CDH6: variants seen among roughly 807,000 people sequenced by gnomAD.
CDH6 encodes cadherin-6.
A neutral mutation model predicts 78.0 loss-of-function variants in CDH6; 31 were observed. That is an observed-to-expected ratio of 0.40 (90% confidence interval 0.30 to 0.54). The LOEUF is 0.54. CDH6 is among the 20% of genes least tolerant of loss of function. The probability of loss-of-function intolerance (pLI) is 0.56; values close to 1 mark genes in which losing one functional copy is unlikely to be tolerated. For synonymous variants in CDH6, 376 were observed against 368.8 expected, an observed-to-expected ratio of 1.02 and a Z score of -0.23; for missense variants, 724 against 975.9, an observed-to-expected ratio of 0.74 and a Z score of 3.44.
In CDH6 at chr5:31,294,485, G is replaced by A. The variant is rs896742594; in HGVS notation, c.523+229G>A. 1.3e-5 allele frequency among the ~76,000 whole-genome samples: 2 copies of A among 152,140 alleles called. No homozygotes were observed. Among genetic ancestry groups the A allele is most frequent in the South Asian group, 2.1e-4 (1 of 4,828 alleles). On this transcript the variant is annotated intron_variant, in intron 3 of 11. Transcript: ENST00000265071. The surrounding 1 kb of genome is among the most constrained non-coding windows in gnomAD (Gnocchi z 4.1). ...TAAAGAGGGTCTGAAAAGTGGCAGG[G>A]TGGGAGTGGGAGGTTGAAAGAGAGA... is the stretch of plus-strand genomic sequence containing the variant.
At chr5:31,194,042 G>A (rs1426983740) in intron 1 of CDH6, among the ~76,000 whole-genome samples, 156 bp downstream of exon 1, 1 of 152,050 alleles carries the variant, frequency 6.6e-6, no homozygotes, top group Non-Finnish European at 1.5e-5. Flanking sequence ...GCCCGGGTCG[G>A]GGCGGGCGCG....
At chr5:31,242,394 G>C (rs1002626130) in intron 1 of CDH6, among the ~76,000 whole-genome samples, 3 of 152,060 alleles carry the variant, frequency 2.0e-5, no homozygotes, top group Non-Finnish European at 4.4e-5. Flanking sequence ...ACTCTTGCTG[G>C]AACTGAGTTC....
At chr5:31,196,372 T>G (rs907312645) in intron 1 of CDH6, among the ~76,000 whole-genome samples, 1 of 152,198 alleles carries the variant, frequency 6.6e-6, no homozygotes, top group African/African-American at 2.4e-5. Flanking sequence ...CCACAGAGAT[T>G]TCTTTAAAAG....
At chr5:31,261,011 T>G (rs938690252) in intron 1 of CDH6, among the ~76,000 whole-genome samples, 5 of 152,138 alleles carry the variant, frequency 3.3e-5, no homozygotes, top group Admixed American at 6.6e-5. Flanking sequence ...CAAAACAAAG[T>G]TTCTTGGGTT....
chr5:31,286,443 G>A (rs1743013863), intron 2 of CDH6, among the ~76,000 whole-genome samples: 1 of 152,308 alleles, frequency 6.6e-6, no homozygotes, highest in East Asian at 1.9e-4. Flanking sequence ...TATTAAAAGG[G>A]ATTGATGTCA....
chr5:31,255,271 G>A (rs371572986), intron 1 of CDH6, among the ~76,000 whole-genome samples: 10 of 152,208 alleles, frequency 6.6e-5, no homozygotes, highest in Admixed American at 2.0e-4. Flanking sequence ...TTACACAAGC[G>A]CACTGTGACG....
At chr5:31,265,767 A>ATGTTTTT (rs1742326567) in intron 1 of CDH6, among the ~76,000 whole-genome samples, 1 of 112,398 alleles carries the variant, frequency 8.9e-6, no homozygotes, top group African/African-American at 3.3e-5. Flanking sequence ...ATTTAAGACA[A>ATGTTTTT]TGTTTTTTTT....
At chr5:31,289,163 A>G (rs1424772285) in intron 2 of CDH6, among the ~76,000 whole-genome samples, 1 of 151,990 alleles carries the variant, frequency 6.6e-6, no homozygotes, top group Non-Finnish European at 1.5e-5. Flanking sequence ...TATTTTCCCC[A>G]TGTTATGTCC....
At chr5:31,271,588 AG>A (rs1445404396) in intron 2 of CDH6, among the ~76,000 whole-genome samples, 1 of 152,218 alleles carries the variant, frequency 6.6e-6, no homozygotes, top group Non-Finnish European at 1.5e-5. Context: ...TGGTAGTGGC[AG>A]GGACAAGTAA....
In CDH6 at chr5:31,326,520, T is replaced by TCCTG. The variant is rs888730620; in HGVS notation, c.*3216_*3219dup. On this transcript the variant is annotated 3_prime_UTR_variant, in exon 12 of 12. Transcript: ENST00000265071. ...TAAATAGATGTTTCTTTCAGAACTTTCCTGCCTTTACAGTTTGTGTCCATA... is the reference window on the plus strand; with the variant it reads ...TAAATAGATGTTTCTTTCAGAACTTTCCTGCCTGCCTTTACAGTTTGTGTCCATA... The TCCTG allele has an allele frequency of 5.2e-6, 1 of 192,752 alleles. No individual in the cohort carries two copies. The highest frequency in any genetic ancestry group is 1.1e-5 in the Non-Finnish European group (1 of 92,392). 11.9% of individuals were successfully genotyped at this position (192,752 alleles called of 1,614,324 possible).
At chr5:31,235,003 G>T (rs561995494) in intron 1 of CDH6, among the ~76,000 whole-genome samples, 1 of 152,226 alleles carries the variant, frequency 6.6e-6, no homozygotes, top group Admixed American at 6.6e-5. Flanking sequence ...CTGTGGGGGT[G>T]AGGGAGTTTG....
At chr5:31,291,128 GAGTGTATAATCC>G (rs1430610858) in intron 2 of CDH6, among the ~76,000 whole-genome samples, 1 of 152,198 alleles carries the variant, frequency 6.6e-6, no homozygotes, top group Non-Finnish European at 1.5e-5. Context: ...TAGTGGAGGA[GAGTGTATAATCC>G]AGTGGAATGC....
intron 1 of CDH6, among the ~76,000 whole-genome samples, chr5:31,203,679 G>A (rs1343287931): frequency 2.6e-5 from 4 of 151,632 alleles, no homozygotes; most frequent in African/African-American, 9.7e-5. Context: ...CCAAGTCTTT[G>A]CTATCGTGAA....
rs778775598 is a variant in CDH6 at position 31,313,417 on chromosome 5, G to A, written c.1353G>A (p.Leu451=). ...CGAAACTTCTTGACCGAGAAACACT[G>A]CTATGGCACAACATTACAGTGATAG... ...FTSKLLDRET[L]LWHNITVIAT... is the part of the protein sequence containing the mutation. Residue 451 remains leucine, a synonymous_variant, in exon 8 of 12, where the codon CTG becomes CTA. Transcript: ENST00000265071. 1.2e-6 allele frequency: 2 copies of A among 1,614,064 alleles called. No homozygotes were observed. The highest frequency in any genetic ancestry group is 3.3e-5 in the Admixed American group (2 of 60,032).
chr5:31,266,135 G>C (rs72749680), intron 1 of CDH6, among the ~76,000 whole-genome samples: 3,742 of 151,634 alleles, frequency 0.025, 66 homozygotes, highest in Non-Finnish European at 0.037. Context: ...TGTTTTTTTC[G>C]CCCAAAAATG....
intron 7 of CDH6, among the ~76,000 whole-genome samples, chr5:31,309,469 C>A (rs1738084823): frequency 6.6e-6 from 1 of 152,106 alleles, no homozygotes; most frequent in Non-Finnish European, 1.5e-5. Flanking sequence ...CTAGTCAGGT[C>A]ATTTACTTAT....
Position 31,325,437 on chromosome 5 carries a change from C to T in CDH6, c.*2129C>T, listed in dbSNP as rs752719807. ...AGTCACAGGTAAGTGTTGAAAAAAGCTTAGTAAAGTTAGAAGCTACTTACT... is the reference window on the plus strand; with the variant it reads ...AGTCACAGGTAAGTGTTGAAAAAAGTTTAGTAAAGTTAGAAGCTACTTACT... On this transcript the variant is annotated 3_prime_UTR_variant, in exon 12 of 12. Coordinates refer to ENST00000265071, the MANE Select transcript of CDH6 (RefSeq NM_004932.4). 2 of 230,616 alleles carry T rather than the reference C, an allele frequency of 8.7e-6. No homozygotes were observed. Among genetic ancestry groups the T allele is most frequent in the Non-Finnish European group, 1.7e-5 (2 of 116,530 alleles). 14.3% of individuals were successfully genotyped at this position (230,616 alleles called of 1,614,324 possible). A position where few individuals can be genotyped will look rare whatever the true frequency, so the allele number is the denominator to read the frequency against.
intron 8 of CDH6, 114 bp downstream of exon 8, chr5:31,313,568 G>C (rs552471855): frequency 1.0e-6 from 1 of 1,002,618 alleles, no homozygotes; most frequent in Non-Finnish European, 1.5e-6. Context: ...GATATATATT[G>C]AGGGAAAAAG....
At chr5:31,245,168 C>A (rs1040267689) in intron 1 of CDH6, among the ~76,000 whole-genome samples, 2 of 152,138 alleles carry the variant, frequency 1.3e-5, no homozygotes, top group Non-Finnish European at 2.9e-5. Context: ...GAGGTTTGAC[C>A]ACTGCATGTA....
Sources: allele counts gnomAD v4.1 joint callset (sites outside exome capture counted in the v4.1 genomes callset), GRCh38; gene constraint gnomAD v4.1.1; non-coding constraint Gnocchi (gnomAD v3.1); transcripts MANE v1.5; gene names NCBI Gene and HGNC (gene_info 2026-07-23, HGNC 2026-07-21).